The following SLC4A4 variants were observed in gnomAD, a reference collection of about 807,000 sequenced individuals.
SLC4A4 encodes the protein electrogenic sodium bicarbonate cotransporter 1.
A neutral mutation model predicts 111.5 loss-of-function variants in SLC4A4; 27 were observed. That is an observed-to-expected ratio of 0.24 (90% confidence interval 0.18 to 0.33). SLC4A4 has a LOEUF of 0.33. Among genes scored for constraint, SLC4A4 ranks in the 10% least tolerant of loss-of-function variants. The pLI is 1.00. For synonymous variants in SLC4A4, 443 were observed against 463.4 expected (o/e 0.96, Z 0.57); for missense variants, 909 against 1,315.5 (o/e 0.69, Z 4.78).
chr4:71,322,490 C>A (rs891846630), intron 3 of SLC4A4, among the ~76,000 whole-genome samples: 25 of 152,068 alleles, frequency 1.6e-4, no homozygotes, highest in Admixed American at 1.5e-3. Flanking sequence ...TAGTTGCACT[C>A]GAACAAATCT....
At chr4:71,145,159 G>T (rs530012884) in intron 2 of SLC4A4, among the ~76,000 whole-genome samples, 2 of 152,156 alleles carry the variant, frequency 1.3e-5, no homozygotes, top group African/African-American at 4.8e-5. Context: ...TAGCATGAAG[G>T]GGTGTTGAAT....
intron 15 of SLC4A4, among the ~76,000 whole-genome samples, chr4:71,493,809 A>G (rs1203702684): frequency 2.6e-5 from 4 of 151,932 alleles, no homozygotes; most frequent in African/African-American, 9.7e-5. Flanking sequence ...GCCAACCCCA[A>G]AGAACTTGCC....
chr4:71,565,354 C>CT (rs762860679), intron 24 of SLC4A4, among the ~76,000 whole-genome samples: 4 of 151,740 alleles, frequency 2.6e-5, no homozygotes, highest in Non-Finnish European at 5.9e-5. Context: ...GACCGATGGT[C>CT]TTTTTTCTGT....
At chr4:71,241,087 C>A (rs1720181285) in intron 2 of SLC4A4, among the ~76,000 whole-genome samples, 1 of 151,970 alleles carries the variant, frequency 6.6e-6, no homozygotes, top group Non-Finnish European at 1.5e-5. Flanking sequence ...TCACTGCACT[C>A]CAGCCTGGGT....
intron 2 of SLC4A4, among the ~76,000 whole-genome samples, chr4:71,181,280 G>A (rs529006327): frequency 6.6e-6 from 1 of 151,976 alleles, no homozygotes; most frequent in South Asian, 2.1e-4. Context: ...ATGAGTTACC[G>A]AGTGCAGCAC....
At chr4:71,407,004 T>G (rs573483018) in intron 7 of SLC4A4, among the ~76,000 whole-genome samples, 1 of 152,240 alleles carries the variant, frequency 6.6e-6, no homozygotes, top group South Asian at 2.1e-4. Flanking sequence ...ATGAGGAGAT[T>G]AAGTAATTTC....
intron 7 of SLC4A4, among the ~76,000 whole-genome samples, chr4:71,402,445 T>C (rs562400770): frequency 1.8e-3 from 271 of 152,328 alleles, no homozygotes; most frequent in Non-Finnish European, 2.7e-3. Context: ...CTCCTTTTCC[T>C]TTCCATGGCT....
At position 71,315,239 on chromosome 4, in the gene SLC4A4, C is replaced by G. The variant is rs139912747; in HGVS notation, c.254-24131C>G. ...GTATCAGACCTAAAACTGATGCAGA[C>G]CCTGTGGATTTAGGCAGAGCTGACC... is the stretch of plus-strand genomic sequence containing the variant. On this transcript the variant is annotated intron_variant, in intron 3 of 25. Coordinates refer to ENST00000264485, the MANE Select transcript of SLC4A4 (RefSeq NM_001098484.3). Among the ~76,000 whole-genome samples, 4 of 152,192 alleles carry G rather than the reference C, an allele frequency of 2.6e-5. No homozygotes were observed. The East Asian group carries it at 5.8e-4, about 22-fold the overall frequency.
intron 16 of SLC4A4, among the ~76,000 whole-genome samples, chr4:71,511,750 A>G (rs142685954): frequency 4.6e-5 from 7 of 152,036 alleles, no homozygotes; most frequent in Non-Finnish European, 8.8e-5. Flanking sequence ...CCTATAACCA[A>G]ATTTATTCTC....
At chr4:71,124,174 CTT>C (rs5859248) in intron 2 of SLC4A4, among the ~76,000 whole-genome samples, 196 of 122,998 alleles carry the variant, frequency 1.6e-3, no homozygotes, top group Middle Eastern at 8.9e-3. Context: ...TAGGCCCACA[CTT>C]TTTTTTTTTT....
rs1318267907 is a variant in SLC4A4 at position 71,570,477 on chromosome 4, C to T, written c.*2726C>T. On this transcript the variant is annotated 3_prime_UTR_variant, in exon 26 of 26. Transcript: ENST00000264485. Reference sequence around the variant, plus strand: ...GGTTTACCTAGTGACACCAAATTATCGGTATTTTAACTGAATTTACCCATT... The same window carrying T: ...GGTTTACCTAGTGACACCAAATTATTGGTATTTTAACTGAATTTACCCATT... 1.3e-5 allele frequency: 2 copies of T among 152,186 alleles called. No homozygotes were observed. Among genetic ancestry groups the T allele is most frequent in the African/African-American group, 4.8e-5 (2 of 41,370 alleles). The allele number at this position is 152,186 out of a possible 1,614,324, so 9.4% of individuals were successfully genotyped here. A position where few individuals can be genotyped will look rare whatever the true frequency, so the allele number is the denominator to read the frequency against.
At chr4:71,181,482 G>C (rs1008274380) in intron 2 of SLC4A4, among the ~76,000 whole-genome samples, 1 of 152,126 alleles carries the variant, frequency 6.6e-6, no homozygotes, top group African/African-American at 2.4e-5. Flanking sequence ...TCCTTCACGA[G>C]ATGCTTTATG....
At chr4:71,291,689 T>TG (rs1724365608) in intron 3 of SLC4A4, among the ~76,000 whole-genome samples, 1 of 152,182 alleles carries the variant, frequency 6.6e-6, no homozygotes, top group South Asian at 2.1e-4. Context: ...CCCAAAAGGG[T>TG]CCTCAGCCCA....
chr4:71,497,926 A>G (rs1355322093), intron 16 of SLC4A4, among the ~76,000 whole-genome samples: 3 of 152,116 alleles, frequency 2.0e-5, no homozygotes, highest in East Asian at 3.9e-4. Flanking sequence ...ACCTCTCATA[A>G]TTCTGAATGT....
At chr4:71,432,679 A>C (rs575103130) in intron 7 of SLC4A4, among the ~76,000 whole-genome samples, 1 of 151,876 alleles carries the variant, frequency 6.6e-6, no homozygotes, top group East Asian at 1.9e-4. Flanking sequence ...TCTTAGCCCT[A>C]AGTTCCTTGC....
chr4:71,409,307 A>G (rs1025261244), intron 7 of SLC4A4, among the ~76,000 whole-genome samples: 1 of 152,170 alleles, frequency 6.6e-6, no homozygotes, highest in Non-Finnish European at 1.5e-5. Context: ...AAAGTGTGGA[A>G]CCTCTAGAGA....
At chr4:71,161,861 A>G (rs1386891094) in intron 2 of SLC4A4, among the ~76,000 whole-genome samples, 1 of 152,188 alleles carries the variant, frequency 6.6e-6, no homozygotes, top group Non-Finnish European at 1.5e-5. Flanking sequence ...TGGATTATTT[A>G]ATCTGTTCTC....
intron 2 of SLC4A4, among the ~76,000 whole-genome samples, chr4:71,153,104 G>A (rs1352748309): frequency 1.3e-5 from 2 of 150,796 alleles, no homozygotes; most frequent in Admixed American, 6.6e-5. Context: ...ACATGGTCCT[G>A]CAATAGGCCA....
intron 2 of SLC4A4, among the ~76,000 whole-genome samples, chr4:71,246,362 T>G (rs182485141): frequency 1.9e-3 from 293 of 152,040 alleles, no homozygotes; most frequent in African/African-American, 6.9e-3. Flanking sequence ...CCCAAAAGAG[T>G]GTGCTTGAGG....
Sources: gnomAD v4.1 joint callset for allele counts (sites outside exome capture counted in the v4.1 genomes callset) on GRCh38, gnomAD v4.1.1 for gene constraint, MANE v1.5 for transcripts, NCBI Gene and HGNC (gene_info 2026-07-23, HGNC 2026-07-21) for gene names.